BAIAP2L1: variants seen among roughly 807,000 people sequenced by gnomAD.
BAIAP2L1 encodes the protein BAR/IMD domain-containing adapter protein 2-like 1.
Under a neutral mutation model 66.3 loss-of-function variants are expected in BAIAP2L1, and 35 were observed. The observed-to-expected ratio is 0.53, with a 90% CI of 0.40 to 0.70. BAIAP2L1 has a LOEUF of 0.70. Among genes scored for constraint, BAIAP2L1 ranks in the 30% least tolerant of loss-of-function variants. The pLI, the probability that BAIAP2L1 is intolerant of heterozygous loss-of-function variation, is 0.00. For missense variants in BAIAP2L1, 622 were observed against 656.9 expected, an observed-to-expected ratio of 0.95 and a Z score of 0.58; for synonymous variants, 269 against 248.7, an observed-to-expected ratio of 1.08 and a Z score of -0.77.
At chr7:98,345,504 C>T (rs1238962468) in intron 3 of BAIAP2L1, among the ~76,000 whole-genome samples, 1 of 152,040 alleles carries the variant, frequency 6.6e-6, no homozygotes, top group Non-Finnish European at 1.5e-5. Flanking sequence ...GCGGGTGGAT[C>T]ACCTGAGGTA....
intron 1 of BAIAP2L1, among the ~76,000 whole-genome samples, chr7:98,395,614 T>G (rs913108211): frequency 2.0e-5 from 3 of 152,108 alleles, no homozygotes; most frequent in African/African-American, 7.2e-5. Context: ...AAGCACAACT[T>G]TATGTATATT....
Position 98,355,069 on chromosome 7 carries a change from T to A in BAIAP2L1, c.187A>T (p.Thr63Ser). ...AGTTCAGTTGACACGGGGGACCCAG[T>A]GGCAATCTCACCGATCTTGGCCACT... ...DGVAKIGEIA[T>S]GSPVSTELGH... Residue 63 changes from threonine to serine, a missense_variant, in exon 3 of 14, where the codon ACT becomes TCT. Transcript: ENST00000005260. The A allele has an allele frequency of 5.6e-6, 9 of 1,614,024 alleles. No individual in the cohort carries two copies. Among genetic ancestry groups the A allele is most frequent in the Non-Finnish European group, 7.6e-6 (9 of 1,179,888 alleles).
intron 3 of BAIAP2L1, among the ~76,000 whole-genome samples, chr7:98,339,928 G>A (rs1243909852): frequency 3.3e-5 from 5 of 152,208 alleles, no homozygotes; most frequent in African/African-American, 1.2e-4. Flanking sequence ...CGCCATGACA[G>A]GCCAATTATC....
intron 1 of BAIAP2L1, among the ~76,000 whole-genome samples, chr7:98,392,427 C>T (rs771385797): frequency 2.0e-5 from 3 of 152,150 alleles, no homozygotes; most frequent in Non-Finnish European, 4.4e-5. Context: ...TCATTTGGTG[C>T]ATGCTTTCTG....
At chr7:98,315,644 T>A (rs374094095) in intron 6 of BAIAP2L1, 32 bp from the exon 7 acceptor site, 236 of 1,005,824 alleles carry the variant, frequency 2.3e-4, no homozygotes, top group Non-Finnish European at 2.5e-4. Flanking sequence ...TAATAATAAT[T>A]ATATAAGCAT....
At chr7:98,335,969 T>C (rs1801607879) in intron 3 of BAIAP2L1, among the ~76,000 whole-genome samples, 2 of 152,114 alleles carry the variant, frequency 1.3e-5, no homozygotes, top group African/African-American at 4.8e-5. Flanking sequence ...AAATCCTCCT[T>C]AAAAAGGGAA....
At position 98,293,525 on chromosome 7, in the gene BAIAP2L1, C is replaced by G; in HGVS notation, c.1532G>C (p.Arg511Pro). Residue 511 changes from arginine (R) to proline (P), a missense_variant, in exon 14 of 14, where the codon CGA (arginine) becomes CCA (proline). Transcript: ENST00000005260. Reference protein sequence around the residue: ...VTNDRSAPIIR With the variant: ...VTNDRSAPIIP ...GGAGAGTCCTTGGCTGTCCTCTCATCGAATGATGGGTGCCGAGCGATCATT... is the reference window on the plus strand; with the variant it reads ...GGAGAGTCCTTGGCTGTCCTCTCATGGAATGATGGGTGCCGAGCGATCATT... 3 of 1,613,228 alleles carry G rather than the reference C, an allele frequency of 1.9e-6. No individual in the cohort carries two copies. The highest frequency in any genetic ancestry group is 2.5e-6 in the Non-Finnish European group (3 of 1,179,664).
At chr7:98,364,251 C>T (rs1802340497) in intron 1 of BAIAP2L1, among the ~76,000 whole-genome samples, 1 of 152,144 alleles carries the variant, frequency 6.6e-6, no homozygotes, top group Non-Finnish European at 1.5e-5. Flanking sequence ...CTGGGATGGA[C>T]AATTGTTTCT....
intron 1 of BAIAP2L1, among the ~76,000 whole-genome samples, chr7:98,369,674 T>C (rs1802465559): frequency 7.4e-6 from 1 of 134,632 alleles, no homozygotes; most frequent in South Asian, 2.8e-4. Flanking sequence ...TTTTTTTTTT[T>C]TTTTTTTTTT....
intron 12 of BAIAP2L1, among the ~76,000 whole-genome samples, chr7:98,295,296 C>A (rs1001244467): frequency 3.3e-5 from 5 of 152,154 alleles, no homozygotes; most frequent in African/African-American, 1.2e-4. Context: ...ACCTGTCCCA[C>A]CCTCCCCAGA....
intron 1 of BAIAP2L1, among the ~76,000 whole-genome samples, chr7:98,363,030 T>TC (rs1269390427): frequency 3.5e-5 from 2 of 56,760 alleles, no homozygotes; most frequent in Non-Finnish European, 9.8e-5. Context: ...ATTTTTTCTT[T>TC]TTTTTTTTTT....
Position 98,307,814 on chromosome 7 carries a change from G to A in BAIAP2L1, c.1038C>T (p.Thr346=). The A allele has an allele frequency of 2.5e-6, 4 of 1,614,198 alleles. No homozygotes were observed. The highest frequency in any genetic ancestry group is 2.5e-6 in the Non-Finnish European group (3 of 1,180,032). ...LNMMKKQKVK[T]IFPHTAGSNK... ...TGGAGCCCGCAGTGTGCGGGAAGAT[G>A]GTCTTCACTTTCTGCTTCTTCATCA... The change falls in exon 10 of 14, where the codon ACC becomes ACT. Residue 346 remains threonine, a synonymous_variant. Coordinates refer to ENST00000005260, the MANE Select transcript of BAIAP2L1 (RefSeq NM_018842.5).
intron 3 of BAIAP2L1, among the ~76,000 whole-genome samples, chr7:98,328,054 C>A (rs79886092): frequency 6.6e-6 from 1 of 151,766 alleles, no homozygotes; most frequent in South Asian, 2.1e-4. Flanking sequence ...CTTTTAGACA[C>A]AGCACAAATA....
chr7:98,382,983 G>A (rs1341476510), intron 1 of BAIAP2L1, among the ~76,000 whole-genome samples: 8 of 151,938 alleles, frequency 5.3e-5, no homozygotes, highest in East Asian at 3.9e-4. Flanking sequence ...CCAACATGGC[G>A]AAACCCTGTC....
intron 5 of BAIAP2L1, among the ~76,000 whole-genome samples, chr7:98,318,937 C>A (rs1472125173): frequency 8.1e-6 from 1 of 123,284 alleles, no homozygotes; most frequent in African/African-American, 2.8e-5. Flanking sequence ...CAGAGCAGGA[C>A]TCCATCTCAA....
chr7:98,342,314 G>A (rs901948005), intron 3 of BAIAP2L1, among the ~76,000 whole-genome samples: 1 of 152,086 alleles, frequency 6.6e-6, no homozygotes, highest in African/African-American at 2.4e-5. Context: ...CTCCCAAAGT[G>A]CTAGGATTAC....
chr7:98,297,487 A>G (rs1478872380), intron 12 of BAIAP2L1, among the ~76,000 whole-genome samples: 1 of 152,138 alleles, frequency 6.6e-6, no homozygotes, highest in African/African-American at 2.4e-5. Flanking sequence ...CTTGCTCCTG[A>G]GCAGAATGGA....
chr7:98,307,507 A>T, intron 10 of BAIAP2L1, 182 bp downstream of exon 10: 1 of 1,441,414 alleles, frequency 6.9e-7, no homozygotes, highest in Admixed American at 2.7e-5. Flanking sequence ...GTATCTCTAC[A>T]TGCACAGACA....
chr7:98,291,665 C>G lies in BAIAP2L1; in HGVS notation c.*1856G>C. On this transcript the variant is annotated 3_prime_UTR_variant, in exon 14 of 14. Coordinates refer to ENST00000005260, the MANE Select transcript of BAIAP2L1 (RefSeq NM_018842.5). ...CTCAAGAAAATGTTTTCAAGTTCTG[C>G]TTTATTATTAAAGTTGTAATCCCTT... 1 of 337,218 alleles carries G rather than the reference C, an allele frequency of 3.0e-6. No homozygotes were observed. The highest frequency in any genetic ancestry group is 4.3e-6 in the Non-Finnish European group (1 of 231,912). The allele number at this position is 337,218 out of a possible 1,614,324, so 20.9% of individuals were successfully genotyped here.
Sources: allele counts gnomAD v4.1 joint callset (sites outside exome capture counted in the v4.1 genomes callset), GRCh38; gene constraint gnomAD v4.1.1; transcripts MANE v1.5; gene names NCBI Gene and HGNC (gene_info 2026-07-23, HGNC 2026-07-21).